Variants in AGPAT4 observed in about 807,000 individuals in gnomAD.
AGPAT4 encodes 1-acyl-sn-glycerol-3-phosphate acyltransferase delta.
AGPAT4 carries 15 observed loss-of-function variants against 48.0 expected under a neutral mutation model. That is an observed-to-expected ratio of 0.31 (90% confidence interval 0.21 to 0.48). AGPAT4 has a LOEUF of 0.48. Ranked by LOEUF, AGPAT4 falls within the 20% of genes least tolerant of loss-of-function variation. The probability of loss-of-function intolerance (pLI) is 0.99; values close to 1 mark genes in which losing one functional copy is unlikely to be tolerated. For missense variants in AGPAT4, 314 were observed against 482.5 expected (o/e 0.65, Z 3.27); for synonymous variants, 178 against 198.7 (o/e 0.90, Z 0.88).
rs13195273 is a variant in AGPAT4, at chr6:161,261,578, C to T, written c.-90+12360G>A. ...AGGGACGTAGCTGCTACCCTGAGACCGGGTAAGGCATCATCATTAACAAAG... is the reference window on the plus strand; with the variant it reads ...AGGGACGTAGCTGCTACCCTGAGACTGGGTAAGGCATCATCATTAACAAAG... On this transcript the variant is annotated intron_variant, in intron 1 of 8. Transcript: ENST00000320285. The surrounding 1 kb of genome is among the most constrained non-coding windows in gnomAD (Gnocchi z 5.3). Among the ~76,000 whole-genome samples the T allele has an allele frequency of 0.15, 23,223 of 152,154 alleles. 1,945 individuals carry two copies. Among genetic ancestry groups the T allele is most frequent in the Non-Finnish European group, 0.18 (12,388 of 67,990 alleles).
At position 161,165,721 on chromosome 6, in the gene AGPAT4, G is replaced by GTA; in HGVS notation, c.348+526_348+527insTA. ...TACGTGCAAGAGGTCAAACTAGTTG[G>GTA]GAAAAAAAAAAAACAGAATTTCAGA... On this transcript the variant is annotated intron_variant, in intron 3 of 8. Coordinates refer to ENST00000320285, the MANE Select transcript of AGPAT4 (RefSeq NM_020133.3). This position sits in a 1 kb window ranked among gnomAD's most constrained non-coding sequence, Gnocchi z 5.5. 1 of 899,872 alleles carries GTA rather than the reference G, an allele frequency of 1.1e-6. No homozygotes were observed. The highest frequency in any genetic ancestry group is 1.6e-6 in the Non-Finnish European group (1 of 624,364). 55.7% of individuals were successfully genotyped at this position (899,872 alleles called of 1,614,324 possible).
intron 2 of AGPAT4, among the ~76,000 whole-genome samples, chr6:161,185,733 C>T (rs1009304614): frequency 6.6e-6 from 1 of 152,174 alleles, no homozygotes; most frequent in African/African-American, 2.4e-5. Context: ...ACGGCAGAGG[C>T]ATCACCCGAA....
At chr6:161,176,460 C>T (rs1780431355) in intron 2 of AGPAT4, among the ~76,000 whole-genome samples, 2 of 151,988 alleles carry the variant, frequency 1.3e-5, no homozygotes, top group African/African-American at 4.8e-5. Flanking sequence ...GATTTGCAAC[C>T]CCTGCTTTTT....
chr6:161,184,699 G>GTTTACCA lies in AGPAT4; in HGVS notation c.179-18283_179-18282insTGGTAAA, dbSNP rs1780718141. Among the ~76,000 whole-genome samples the GTTTACCA allele has an allele frequency of 1.3e-5, 2 of 152,040 alleles. No individual in the cohort carries two copies. The highest frequency in any genetic ancestry group is 2.4e-5 in the African/African-American group (1 of 41,382). ...CAGCCCATGCCCAGTCAGTCATCAG[G>GTTTACCA]GACAGTTTACCTGCCAGGTTTCCAC... On this transcript the variant is annotated intron_variant, in intron 2 of 8. Transcript: ENST00000320285. This position sits in a 1 kb window ranked among gnomAD's most constrained non-coding sequence, Gnocchi z 4.8.
intron 1 of AGPAT4, among the ~76,000 whole-genome samples, chr6:161,256,077 G>A (rs1782935447): frequency 6.6e-6 from 1 of 152,140 alleles, no homozygotes; most frequent in African/African-American, 2.4e-5. Flanking sequence ...CCCTCACCCA[G>A]GCAGAGCAAG....
chr6:161,224,343 C>T (rs1444147299), intron 2 of AGPAT4, among the ~76,000 whole-genome samples: 1 of 151,978 alleles, frequency 6.6e-6, no homozygotes, highest in African/African-American at 2.4e-5. Flanking sequence ...ATGATAAGAT[C>T]TTTAGAAAAC....
chr6:161,253,053 A>C (rs1361052885), intron 1 of AGPAT4, among the ~76,000 whole-genome samples: 1 of 151,312 alleles, frequency 6.6e-6, no homozygotes, highest in East Asian at 2.0e-4. Flanking sequence ...GTCTCTACTA[A>C]AAGTACAAAA....
Position 161,189,340 on chromosome 6 carries a change from C to G in AGPAT4, c.179-22923G>C, listed in dbSNP as rs923219640. ...AGCAGGGTGCCCTGAGGTCACAGCT[C>G]AGGTGATGGGTGGGGTCCAGGGAAG... is the stretch of plus-strand genomic sequence containing the variant. On this transcript the variant is annotated intron_variant, in intron 2 of 8. Transcript: ENST00000320285. This position sits in a 1 kb window ranked among gnomAD's most constrained non-coding sequence, Gnocchi z 5.3. Among the ~76,000 whole-genome samples the G allele has an allele frequency of 3.3e-5, 5 of 152,008 alleles. No individual in the cohort carries two copies. Among genetic ancestry groups the G allele is most frequent in the Non-Finnish European group, 5.9e-5 (4 of 67,990 alleles).
rs1422781905 is a variant in AGPAT4, at chr6:161,244,580, A to T, written c.-89-12278T>A. Among the ~76,000 whole-genome samples, 2 of 152,186 alleles carry T rather than the reference A, an allele frequency of 1.3e-5. No homozygotes were observed. The highest frequency in any genetic ancestry group is 3.9e-4 in the East Asian group (2 of 5,194). On this transcript the variant is annotated intron_variant, in intron 1 of 8. Transcript: ENST00000320285. The surrounding 1 kb of genome is among the most constrained non-coding windows in gnomAD (Gnocchi z 4.7). ...CTTTAAGCTGGCTCCATTATGGCTA[A>T]ACAAACTCACATTTTGATGCTGTGT... is the stretch of plus-strand genomic sequence containing the variant.
chr6:161,207,487 G>A (rs886448237), intron 2 of AGPAT4, among the ~76,000 whole-genome samples: 2 of 152,164 alleles, frequency 1.3e-5, no homozygotes, highest in African/African-American at 4.8e-5. Flanking sequence ...TAAAACAAGT[G>A]TAGTGCAAGG....
rs770490075 is a variant in AGPAT4 at position 161,219,916 on chromosome 6, C to CAGGCAGGCGGCAGGCAGGCGGCA, written c.178+12119_178+12120insTGCCGCCTGCCTGCCGCCTGCCT. ...GCAGGCAGGCAGGCAGGCAGGCAGG[C>CAGGCAGGCGGCAGGCAGGCGGCA]GGCAGGCAGGCAGGCAGGCAGGCAG... is the stretch of plus-strand genomic sequence containing the variant. On this transcript the variant is annotated intron_variant, in intron 2 of 8. Transcript: ENST00000320285. The surrounding 1 kb of genome is among the most constrained non-coding windows in gnomAD (Gnocchi z 4.9). 9.4e-6 allele frequency among the ~76,000 whole-genome samples: 1 copy of CAGGCAGGCGGCAGGCAGGCGGCA among 105,990 alleles called. No individual in the cohort carries two copies. The highest frequency in any genetic ancestry group is 2.0e-5 in the Non-Finnish European group (1 of 49,256). 69.5% of individuals were successfully genotyped at this position (105,990 alleles called of 152,430 possible).
At position 161,272,095 on chromosome 6, in the gene AGPAT4, ATGC is replaced by A. The variant is rs1783441757; in HGVS notation, c.-90+1840_-90+1842del. On this transcript the variant is annotated intron_variant, in intron 1 of 8. Coordinates refer to ENST00000320285, the MANE Select transcript of AGPAT4 (RefSeq NM_020133.3). This position sits in a 1 kb window ranked among gnomAD's most constrained non-coding sequence, Gnocchi z 4.2. Reference sequence around the variant, plus strand: ...ATGTGGCTCTGGTTTGTTTTGTGCCATGCTATTTTGCCCCATTTTCAGGTAACT... The same window carrying A: ...ATGTGGCTCTGGTTTGTTTTGTGCCATATTTTGCCCCATTTTCAGGTAACT... Among the ~76,000 whole-genome samples the A allele has an allele frequency of 6.6e-6, 1 of 152,150 alleles. No homozygotes were observed. The highest frequency in any genetic ancestry group is 1.5e-5 in the Non-Finnish European group (1 of 68,020).
In AGPAT4 at chr6:161,146,998, A is replaced by G. The variant is rs1024088969; in HGVS notation, c.768-399T>C. The stretch of plus-strand genomic sequence containing the variant: ...TACACAGAATCGATGCATCAGAGAC[A>G]ATAACCTAGTAATTTCTTCTTAGCC... On this transcript the variant is annotated intron_variant, in intron 6 of 8. Coordinates refer to ENST00000320285, the MANE Select transcript of AGPAT4 (RefSeq NM_020133.3). The surrounding 1 kb of genome is among the most constrained non-coding windows in gnomAD (Gnocchi z 7.1). Among the ~76,000 whole-genome samples the G allele has an allele frequency of 4.6e-5, 7 of 152,206 alleles. No individual in the cohort carries two copies. Among genetic ancestry groups the G allele is most frequent in the African/African-American group, 1.2e-4 (5 of 41,454 alleles).
intron 1 of AGPAT4, among the ~76,000 whole-genome samples, chr6:161,257,277 C>T (rs1426263575): frequency 6.6e-6 from 1 of 152,172 alleles, no homozygotes; most frequent in African/African-American, 2.4e-5. Flanking sequence ...CCATGCATGC[C>T]ACGGGTGGAT....
rs928257059 is a variant in AGPAT4 at position 161,142,164 on chromosome 6, T to C, written c.844-2544A>G. ...CCATTGCGCCCAGCCCCATTCACTT[T>C]AAAGTTTTCTTTGTCTGTGGTTTAA... On this transcript the variant is annotated intron_variant, in intron 7 of 8. Transcript: ENST00000320285. This position sits in a 1 kb window ranked among gnomAD's most constrained non-coding sequence, Gnocchi z 6.4. Among the ~76,000 whole-genome samples, 2 of 152,256 alleles carry C rather than the reference T, an allele frequency of 1.3e-5. No individual in the cohort carries two copies. Among genetic ancestry groups the C allele is most frequent in the African/African-American group, 4.8e-5 (2 of 41,474 alleles).
intron 2 of AGPAT4, among the ~76,000 whole-genome samples, chr6:161,176,955 T>C (rs1780446568): frequency 6.6e-6 from 1 of 152,238 alleles, no homozygotes; most frequent in Non-Finnish European, 1.5e-5. Context: ...TCTTTAAGAA[T>C]GTTCAATATT....
chr6:161,134,239 G>A lies in AGPAT4; in HGVS notation c.*2301C>T, dbSNP rs1033178728. On this transcript the variant is annotated 3_prime_UTR_variant, in exon 9 of 9. Coordinates refer to ENST00000320285, the MANE Select transcript of AGPAT4 (RefSeq NM_020133.3). ...AGAGATTTCTGCCTGCATTCCTCCA[G>A]CCTGGAACCCAAGGCCCTAGCAGGC... 1 of 152,158 alleles carries A rather than the reference G, an allele frequency of 6.6e-6. No homozygotes were observed. Among genetic ancestry groups the A allele is most frequent in the African/African-American group, 2.4e-5 (1 of 41,422 alleles). 9.4% of individuals were successfully genotyped at this position (152,158 alleles called of 1,614,324 possible).
intron 1 of AGPAT4, among the ~76,000 whole-genome samples, chr6:161,256,666 C>T (rs1004763167): frequency 2.6e-5 from 4 of 152,226 alleles, no homozygotes; most frequent in Admixed American, 6.5e-5. Flanking sequence ...TGATGGCTCC[C>T]CCGGTCCCTG....
chr6:161,148,825 C>T lies in AGPAT4; in HGVS notation c.767+362G>A, dbSNP rs777225409. On this transcript the variant is annotated intron_variant, in intron 6 of 8. Transcript: ENST00000320285. This position sits in a 1 kb window ranked among gnomAD's most constrained non-coding sequence, Gnocchi z 5.5. ...AAGAGTTCTGCATTTGTGTCTAGAC[C>T]GCCTTATATAAATACACATCTGTGT... Among the ~76,000 whole-genome samples the T allele has an allele frequency of 6.6e-6, 1 of 152,146 alleles. No homozygotes were observed. Among genetic ancestry groups the T allele is most frequent in the Non-Finnish European group, 1.5e-5 (1 of 68,030 alleles).
Sources: gnomAD v4.1 joint callset for allele counts (sites outside exome capture counted in the v4.1 genomes callset) on GRCh38, gnomAD v4.1.1 for gene constraint, Gnocchi (gnomAD v3.1) non-coding constraint, MANE v1.5 for transcripts, NCBI Gene and HGNC (gene_info 2026-07-23, HGNC 2026-07-21) for gene names.